MAF: variants seen among roughly 807,000 people sequenced by gnomAD.
The protein encoded by MAF is MAF bZIP transcription factor, also known as transcription factor Maf.
Under a neutral mutation model 22.0 loss-of-function variants are expected in MAF, and 10 were observed. That is an observed-to-expected ratio of 0.45 (90% CI 0.28 to 0.77). MAF has a LOEUF of 0.77. Among genes scored for constraint, MAF ranks in the 30% least tolerant of loss-of-function variants. The pLI is 0.12. For synonymous variants in MAF, 337 were observed against 255.8 expected, an observed-to-expected ratio of 1.32 and a Z score of -3.03; for missense variants, 544 against 548.4, an observed-to-expected ratio of 0.99 and a Z score of 0.08.
the MAF span, among the ~76,000 whole-genome samples, chr16:79,522,013 G>T: frequency 6.6e-6 from 1 of 152,164 alleles, no homozygotes; most frequent in East Asian, 1.9e-4. Context: ...CAAGAAAATG[G>T]AGTCACTGTG....
At chr16:79,447,331 C>CAAA in the MAF span, among the ~76,000 whole-genome samples, 1 of 98,574 alleles carries the variant, frequency 1.0e-5, no homozygotes, top group Non-Finnish European at 2.4e-5. Context: ...ACCTACTGCT[C>CAAA]AAAAAAAAAA....
Position 79,594,250 on chromosome 16 carries a change from G to A in MAF, c.*210C>T, listed in dbSNP as rs964446550. 9.0e-6 allele frequency: 5 copies of A among 555,998 alleles called. No homozygotes were observed. Among genetic ancestry groups the A allele is most frequent in the South Asian group, 2.2e-5 (1 of 46,076 alleles). The allele number at this position is 555,998 out of a possible 1,614,324, so 34.4% of individuals were successfully genotyped here. On this transcript the variant is annotated 3_prime_UTR_variant, in exon 2 of 2. Coordinates refer to ENST00000326043, the MANE Select transcript of MAF (RefSeq NM_005360.5). ...TGTTTACTTGCACACACCATAAATC[G>A]AAAAGCAGGAGTGCGCTTTCCTACC...
the MAF span, among the ~76,000 whole-genome samples, chr16:79,222,702 G>GA: frequency 6.2e-4 from 94 of 151,694 alleles, no homozygotes; most frequent in Non-Finnish European, 1.0e-3. Context: ...CAAGTGGGAA[G>GA]AAAAAAAAGC....
At chr16:79,299,371 A>T in the MAF span, among the ~76,000 whole-genome samples, 2 of 151,946 alleles carry the variant, frequency 1.3e-5, no homozygotes, top group Non-Finnish European at 2.9e-5. Context: ...AAGAAAAAAA[A>T]CAACCTTCCA....
chr16:79,350,060 A>G, the MAF span, among the ~76,000 whole-genome samples: 1 of 152,176 alleles, frequency 6.6e-6, no homozygotes, highest in Non-Finnish European at 1.5e-5. Flanking sequence ...CACATTATGT[A>G]TGTACATCTC....
At chr16:79,490,117 C>A in the MAF span, among the ~76,000 whole-genome samples, 2 of 152,142 alleles carry the variant, frequency 1.3e-5, no homozygotes, top group African/African-American at 4.8e-5. Flanking sequence ...TATTTCAAAT[C>A]AAAAGCAGAT....
the MAF span, among the ~76,000 whole-genome samples, chr16:79,470,715 G>C: frequency 6.6e-6 from 1 of 152,224 alleles, no homozygotes; most frequent in African/African-American, 2.4e-5. Context: ...AAGACAGCCA[G>C]GATTCCATTG....
the MAF span, among the ~76,000 whole-genome samples, chr16:79,394,934 C>A: frequency 1.3e-5 from 2 of 152,174 alleles, no homozygotes; most frequent in Non-Finnish European, 2.9e-5. Context: ...TGGTCAAGAG[C>A]CTGGGCACTC....
At chr16:79,538,826 G>A in the MAF span, among the ~76,000 whole-genome samples, 5 of 139,268 alleles carry the variant, frequency 3.6e-5, no homozygotes, top group African/African-American at 8.4e-5. Flanking sequence ...ACTCTGTCTC[G>A]AAAGAAAGAA....
chr16:79,288,153 G>A, the MAF span, among the ~76,000 whole-genome samples: 2 of 152,168 alleles, frequency 1.3e-5, no homozygotes, highest in African/African-American at 4.8e-5. Context: ...GCTTCTTCAA[G>A]GAGATGATGA....
the MAF span, among the ~76,000 whole-genome samples, chr16:79,219,332 G>C: frequency 6.6e-6 from 1 of 151,978 alleles, no homozygotes; most frequent in African/African-American, 2.4e-5. Flanking sequence ...CATTTCCCGA[G>C]TGCTTACCAA....
At chr16:79,391,336 G>C in the MAF span, among the ~76,000 whole-genome samples, 2 of 152,124 alleles carry the variant, frequency 1.3e-5, no homozygotes, top group African/African-American at 4.8e-5. Context: ...TATTATACTA[G>C]ATTTTTGGGG....
the MAF span, among the ~76,000 whole-genome samples, chr16:79,288,573 A>G: frequency 6.6e-6 from 1 of 152,228 alleles, no homozygotes; most frequent in Non-Finnish European, 1.5e-5. Context: ...AGATACAGTA[A>G]TAATCAATTA....
At chr16:79,269,678 C>G in the MAF span, among the ~76,000 whole-genome samples, 1 of 152,174 alleles carries the variant, frequency 6.6e-6, no homozygotes, top group Non-Finnish European at 1.5e-5. Context: ...GGCTCATCTT[C>G]CTTCTCTGTG....
At chr16:79,240,487 GAAAAAAAAAAAAAAAA>G in the MAF span, among the ~76,000 whole-genome samples, 32 of 60,726 alleles carry the variant, frequency 5.3e-4, no homozygotes, top group East Asian at 4.2e-3. Flanking sequence ...AGCATCTCTG[GAAAAAAAAAAAAAAAA>G]AAAAAAAAAA....
chr16:79,367,903 G>A, the MAF span, among the ~76,000 whole-genome samples: 1 of 152,166 alleles, frequency 6.6e-6, no homozygotes, highest in Admixed American at 6.5e-5. Context: ...GATCTCACAG[G>A]CTCTGCCAGA....
At chr16:79,259,474 C>T in the MAF span, among the ~76,000 whole-genome samples, 1 of 152,112 alleles carries the variant, frequency 6.6e-6, no homozygotes, top group African/African-American at 2.4e-5. Context: ...CTGTCTACTC[C>T]CCCACCACTA....
the MAF span, among the ~76,000 whole-genome samples, chr16:79,291,085 C>G: frequency 6.6e-6 from 1 of 152,178 alleles, no homozygotes; most frequent in Non-Finnish European, 1.5e-5. Context: ...CCATAGGACC[C>G]ATTACAAATC....
chr16:79,538,926 A>C, the MAF span, among the ~76,000 whole-genome samples: 1 of 152,154 alleles, frequency 6.6e-6, no homozygotes, highest in Non-Finnish European at 1.5e-5. Flanking sequence ...ATCACCCAGG[A>C]AAATACAAAC....
Sources: allele counts gnomAD v4.1 joint callset (sites outside exome capture counted in the v4.1 genomes callset), GRCh38; gene constraint gnomAD v4.1.1; transcripts MANE v1.5; gene names NCBI Gene and HGNC (gene_info 2026-07-23, HGNC 2026-07-21).